Variants in CNTNAP4 observed in about 807,000 individuals in gnomAD.
CNTNAP4 encodes the protein contactin-associated protein-like 4.
CNTNAP4 carries 98 observed loss-of-function variants against 148.4 expected under a neutral mutation model. The observed-to-expected ratio is 0.66, with a 90% confidence interval of 0.56 to 0.78. The LOEUF (loss-of-function observed/expected upper bound fraction) is 0.78. Ranked by LOEUF, CNTNAP4 falls within the 30% of genes least tolerant of loss-of-function variation. The pLI, the probability that CNTNAP4 is intolerant of heterozygous loss-of-function variation, is 0.00. For synonymous variants in CNTNAP4, 730 were observed against 565.1 expected, an observed-to-expected ratio of 1.29 and a Z score of -4.14; for missense variants, 1,935 against 1,565.6, an observed-to-expected ratio of 1.24 and a Z score of -3.98.
chr16:76,494,908 A>G lies in CNTNAP4; in HGVS notation c.2081-2A>G. ...GTCACATTTTTCACGTTTTTCTTTC[A>G]GATGGAACCCCTCTGAGTTGGTGGG... On this transcript the variant is annotated splice_acceptor_variant, in intron 13 of 23. Transcript: ENST00000611870. LOFTEE classifies it high-confidence loss of function. The G allele has an allele frequency of 6.2e-7, 1 of 1,610,946 alleles. No homozygotes were observed. Among genetic ancestry groups the G allele is most frequent in the Non-Finnish European group, 8.5e-7 (1 of 1,178,232 alleles).
chr16:76,425,246 T>G (rs1483200315), intron 3 of CNTNAP4, among the ~76,000 whole-genome samples: 1 of 152,130 alleles, frequency 6.6e-6, no homozygotes, highest in Non-Finnish European at 1.5e-5. Context: ...CCTTATATGT[T>G]TGAGATGCGC....
Position 76,538,141 on chromosome 16 carries a change from C to T in CNTNAP4, c.3021C>T (p.Gly1007=). The part of the protein sequence containing the change: ...SNEISAYFGS[G]SSVIYNFQEN... ...AGATTTCTGCATATTTTGGATCTGGCTCATCCGTGATATACAATTTTCAAG... is the reference window on the plus strand; with the variant it reads ...AGATTTCTGCATATTTTGGATCTGGTTCATCCGTGATATACAATTTTCAAG... The change falls in exon 19 of 24, where the codon GGC becomes GGT. Residue 1007 remains glycine, a synonymous_variant. Transcript: ENST00000611870. The T allele has an allele frequency of 1.3e-6, 2 of 1,539,458 alleles. No individual in the cohort carries two copies. Among genetic ancestry groups the T allele is most frequent in the South Asian group, 1.3e-5 (1 of 78,534 alleles).
At chr16:76,332,626 A>G (rs1379324093) in intron 2 of CNTNAP4, among the ~76,000 whole-genome samples, 4 of 151,986 alleles carry the variant, frequency 2.6e-5, no homozygotes, top group Non-Finnish European at 5.9e-5. Context: ...TCTTTCAGCC[A>G]TTCTCTCTCT....
intron 2 of CNTNAP4, among the ~76,000 whole-genome samples, chr16:76,334,813 T>C (rs1963878168): frequency 6.6e-6 from 1 of 152,096 alleles, no homozygotes; most frequent in African/African-American, 2.4e-5. Context: ...CTTTATTCAA[T>C]ATGAGAGCTA....
chr16:76,506,971 G>A (rs2082858824), intron 15 of CNTNAP4, among the ~76,000 whole-genome samples: 2 of 97,538 alleles, frequency 2.1e-5, no homozygotes, highest in African/African-American at 5.1e-5. Context: ...ATTTATGTCT[G>A]TTGGACATAA....
chr16:76,286,745 T>G (rs999744939), intron 1 of CNTNAP4, among the ~76,000 whole-genome samples: 11 of 152,150 alleles, frequency 7.2e-5, no homozygotes, highest in African/African-American at 2.7e-4. Context: ...ATCTCTCAAT[T>G]TTGGCTGATT....
intron 3 of CNTNAP4, among the ~76,000 whole-genome samples, chr16:76,418,206 T>G (rs1356134794): frequency 6.6e-6 from 1 of 151,592 alleles, no homozygotes; most frequent in East Asian, 1.9e-4. Context: ...TTTGATCTAT[T>G]ATCTTTTCCT....
At position 76,355,310 on chromosome 16, in the gene CNTNAP4, A is replaced by C. The variant is rs1215454073; in HGVS notation, c.197-8A>C. The stretch of plus-strand genomic sequence containing the variant: ...TCAATTTTCTCCTGTTTCTATTTTT[A>C]ATAAAAGGAGCTGGTGGCTGGTCTC... On this transcript the variant is annotated splice_polypyrimidine_tract_variant and splice_region_variant and intron_variant, in intron 2 of 23. Coordinates refer to ENST00000611870, the MANE Select transcript of CNTNAP4 (RefSeq NM_033401.5). The C allele has an allele frequency of 6.7e-7, 1 of 1,502,064 alleles. No homozygotes were observed. The highest frequency in any genetic ancestry group is 8.9e-7 in the Non-Finnish European group (1 of 1,124,860). 93.0% of individuals were successfully genotyped at this position (1,502,064 alleles called of 1,614,324 possible).
chr16:76,491,964 C>G (rs901531076), intron 13 of CNTNAP4, among the ~76,000 whole-genome samples: 10 of 152,224 alleles, frequency 6.6e-5, no homozygotes, highest in Admixed American at 4.6e-4. Context: ...GGAGTGAAAA[C>G]ATCTCTTCAA....
chr16:76,404,098 G>C (rs990318419), intron 3 of CNTNAP4, among the ~76,000 whole-genome samples: 12 of 151,986 alleles, frequency 7.9e-5, no homozygotes, highest in African/African-American at 2.9e-4. Context: ...TTGGGTACCA[G>C]GCGTAATACG....
chr16:76,290,504 G>A (rs1033441361), intron 1 of CNTNAP4, among the ~76,000 whole-genome samples: 17 of 152,084 alleles, frequency 1.1e-4, no homozygotes, highest in African/African-American at 3.4e-4. Flanking sequence ...GATAACTAAC[G>A]TTTTCTCCTC....
intron 1 of CNTNAP4, among the ~76,000 whole-genome samples, chr16:76,284,647 A>G (rs2143769329): frequency 6.6e-6 from 1 of 152,108 alleles, no homozygotes; most frequent in Non-Finnish European, 1.5e-5. Flanking sequence ...TGACTGTTGA[A>G]TTGTCTTCTT....
At chr16:76,473,154 A>C (rs2081433546) in intron 10 of CNTNAP4, among the ~76,000 whole-genome samples, 1 of 152,178 alleles carries the variant, frequency 6.6e-6, no homozygotes, top group East Asian at 1.9e-4. Context: ...CACATTTTTA[A>C]TGAATTCCTG....
At chr16:76,330,165 T>C (rs1319053312) in intron 2 of CNTNAP4, among the ~76,000 whole-genome samples, 2 of 152,212 alleles carry the variant, frequency 1.3e-5, no homozygotes, top group Non-Finnish European at 2.9e-5. Flanking sequence ...CTTGTAATTA[T>C]TTTTCTTTCT....
intron 3 of CNTNAP4, among the ~76,000 whole-genome samples, chr16:76,398,404 T>C (rs1262909961): frequency 2.0e-5 from 3 of 152,136 alleles, no homozygotes; most frequent in South Asian, 2.1e-4. Context: ...CAAAGGCTTG[T>C]TAAGTGTTGC....
At chr16:76,427,647 G>A (rs759056212) in intron 4 of CNTNAP4, 48 bp downstream of exon 4, 20 of 1,485,530 alleles carry the variant, frequency 1.3e-5, no homozygotes, top group Non-Finnish European at 1.4e-5. Context: ...CAAAAGAGAT[G>A]TTTTAAAAGC....
chr16:76,453,121 G>A (rs1016499726), intron 8 of CNTNAP4, among the ~76,000 whole-genome samples: 1 of 152,138 alleles, frequency 6.6e-6, no homozygotes, highest in Non-Finnish European at 1.5e-5. Flanking sequence ...TTCTTCAATG[G>A]AAAACTAGAC....
In CNTNAP4 at chr16:76,506,126, A is replaced by G. The variant is rs1342384940; in HGVS notation, c.2365+7432A>G. Among the ~76,000 whole-genome samples the G allele has an allele frequency of 1.0e-4, 10 of 97,702 alleles. 1 individual carries two copies. The highest frequency in any genetic ancestry group is 2.6e-4 in the African/African-American group (10 of 39,116). 64.1% of individuals were successfully genotyped at this position (97,702 alleles called of 152,430 possible). On this transcript the variant is annotated intron_variant, in intron 15 of 23. Coordinates refer to ENST00000611870, the MANE Select transcript of CNTNAP4 (RefSeq NM_033401.5). The stretch of plus-strand genomic sequence containing the variant: ...ACATCTGGGTTTATCAGTTAGTAGA[A>G]AAGTCATGAGTAGGAGGAGTCACCT...
chr16:76,461,868 A>G (rs901153524), intron 8 of CNTNAP4, 88 bp from the exon 9 acceptor site: 22 of 1,088,612 alleles, frequency 2.0e-5, no homozygotes, highest in Middle Eastern at 5.0e-4. Context: ...ACTGTAGCCA[A>G]TTGAGTGATG....
Sources: allele counts gnomAD v4.1 joint callset (sites outside exome capture counted in the v4.1 genomes callset), GRCh38; gene constraint gnomAD v4.1.1; transcripts MANE v1.5; gene names NCBI Gene and HGNC (gene_info 2026-07-23, HGNC 2026-07-21).